The following CORO2B variants were observed in gnomAD, a reference collection of about 807,000 sequenced individuals.
CORO2B encodes coronin 2B.
A neutral mutation model predicts 58.8 loss-of-function variants in CORO2B; 26 were observed. The ratio of observed to expected loss-of-function variants is 0.44; its 90% CI spans 0.32 to 0.61. CORO2B has a LOEUF of 0.61. CORO2B is among the 20% of genes least tolerant of loss of function. The pLI, the probability that CORO2B is intolerant of heterozygous loss-of-function variation, is 0.04. For missense variants in CORO2B, 460 were observed against 645.1 expected (o/e 0.71, Z 3.11); for synonymous variants, 242 against 253.8 (o/e 0.95, Z 0.44).
intron 3 of CORO2B, among the ~76,000 whole-genome samples, chr15:68,707,519 G>C (rs548896639): frequency 1.7e-4 from 26 of 152,314 alleles, no homozygotes; most frequent in Admixed American, 7.2e-4. Flanking sequence ...TATTCATCAT[G>C]GAACGGTCAT....
the CORO2B span, among the ~76,000 whole-genome samples, chr15:68,566,292 G>A: frequency 6.6e-6 from 1 of 152,226 alleles, no homozygotes; most frequent in East Asian, 1.9e-4. Flanking sequence ...CCATTTGATA[G>A]GAGAGGAAAC....
chr15:68,676,122 C>A (rs1451105976), intron 2 of CORO2B, among the ~76,000 whole-genome samples: 1 of 152,136 alleles, frequency 6.6e-6, no homozygotes, highest in Non-Finnish European at 1.5e-5. Flanking sequence ...CTCATCCTGG[C>A]CCAATCAGCT....
At chr15:68,690,652 T>TTC (rs1270333714) in intron 2 of CORO2B, among the ~76,000 whole-genome samples, 8 of 148,382 alleles carry the variant, frequency 5.4e-5, no homozygotes, top group Non-Finnish European at 9.0e-5. Context: ...CTTTCTTTTT[T>TTC]TTTTTTTTTT....
At position 68,645,157 on chromosome 15, in the gene CORO2B, C is replaced by A; in HGVS notation, c.16-3C>A. On this transcript the variant is annotated splice_region_variant and splice_polypyrimidine_tract_variant and intron_variant, in intron 1 of 11. Coordinates refer to ENST00000261861, the MANE Select transcript of CORO2B (RefSeq NM_006091.5). This position sits in a 1 kb window ranked among gnomAD's most constrained non-coding sequence, Gnocchi z 4.5. ...GACCCTTGTCTCTCCTGGCCCCTCA[C>A]AGATGTCCTGGCGTCCGCAATACCG... The A allele has an allele frequency of 6.2e-7, 1 of 1,613,834 alleles. No individual in the cohort carries two copies. The highest frequency in any genetic ancestry group is 8.5e-7 in the Non-Finnish European group (1 of 1,179,864).
At chr15:68,673,710 G>A (rs1175646532) in intron 2 of CORO2B, among the ~76,000 whole-genome samples, 4 of 151,728 alleles carry the variant, frequency 2.6e-5, no homozygotes, top group Admixed American at 6.6e-5. Context: ...GGTGGCATGC[G>A]CCTGTAATCC....
chr15:68,581,245 C>T (rs1020030299), intron 1 of CORO2B, among the ~76,000 whole-genome samples: 5 of 152,306 alleles, frequency 3.3e-5, no homozygotes, highest in Non-Finnish European at 4.4e-5. Flanking sequence ...CCCTCCATGT[C>T]GCTCACCTCC....
chr15:68,642,726 A>G (rs1197711815), intron 1 of CORO2B, among the ~76,000 whole-genome samples: 1 of 151,990 alleles, frequency 6.6e-6, no homozygotes, highest in Non-Finnish European at 1.5e-5. Flanking sequence ...CAAGCTCTAG[A>G]CTAGGAGCCC....
chr15:68,606,165 C>A (rs1039843183), intron 1 of CORO2B, among the ~76,000 whole-genome samples: 1 of 152,006 alleles, frequency 6.6e-6, no homozygotes, highest in South Asian at 2.1e-4. Context: ...CTGCAAGAAT[C>A]CAAAAGGAGG....
chr15:68,670,734 C>T (rs1902363607), intron 2 of CORO2B, among the ~76,000 whole-genome samples: 1 of 152,076 alleles, frequency 6.6e-6, no homozygotes. Flanking sequence ...TACAAAGCAT[C>T]AAAGACTTGC....
chr15:68,667,069 G>T (rs369281821), intron 2 of CORO2B, among the ~76,000 whole-genome samples: 1 of 151,882 alleles, frequency 6.6e-6, no homozygotes, highest in Non-Finnish European at 1.5e-5. Context: ...CAGGCTCCCC[G>T]CTCCTGATCT....
chr15:68,591,991 A>T (rs1228711256), intron 1 of CORO2B, among the ~76,000 whole-genome samples: 1 of 152,086 alleles, frequency 6.6e-6, no homozygotes, highest in Admixed American at 6.5e-5. Context: ...ACCTGGTTTG[A>T]GGCTGGGTGC....
the CORO2B span, among the ~76,000 whole-genome samples, chr15:68,543,548 C>A: frequency 6.6e-6 from 1 of 152,164 alleles, no homozygotes; most frequent in Non-Finnish European, 1.5e-5. Flanking sequence ...CCTCCCACCC[C>A]AGGGTCTTGT....
At chr15:68,602,461 C>G (rs1900009777) in intron 1 of CORO2B, among the ~76,000 whole-genome samples, 1 of 148,670 alleles carries the variant, frequency 6.7e-6, no homozygotes, top group Non-Finnish European at 1.5e-5. Flanking sequence ...GTTTTACCTA[C>G]ATGTTGTAAT....
At chr15:68,556,464 T>C in the CORO2B span, among the ~76,000 whole-genome samples, 3 of 152,052 alleles carry the variant, frequency 2.0e-5, no homozygotes, top group Non-Finnish European at 2.9e-5. Context: ...CCTTCCCAGA[T>C]AGAAAGACTG....
chr15:68,667,346 C>T (rs1057126523), intron 2 of CORO2B, among the ~76,000 whole-genome samples: 5 of 152,322 alleles, frequency 3.3e-5, no homozygotes, highest in Middle Eastern at 3.4e-3. Flanking sequence ...ACAGACTCTC[C>T]GCTTCCTGCC....
At chr15:68,546,030 T>G in the CORO2B span, among the ~76,000 whole-genome samples, 1 of 152,096 alleles carries the variant, frequency 6.6e-6, no homozygotes, top group Non-Finnish European at 1.5e-5. Context: ...CTCATGTCAC[T>G]CATTGTGGAG....
At chr15:68,648,522 C>T (rs1329150715) in intron 2 of CORO2B, among the ~76,000 whole-genome samples, 1 of 148,028 alleles carries the variant, frequency 6.8e-6, no homozygotes. Flanking sequence ...TGGTGGCGGG[C>T]GCCTGTAGTC....
intron 1 of CORO2B, among the ~76,000 whole-genome samples, chr15:68,620,851 G>A (rs545600652): frequency 6.6e-6 from 1 of 152,356 alleles, no homozygotes; most frequent in African/African-American, 2.4e-5. Context: ...GCAGGGTTGG[G>A]CGGGGAGCCA....
intron 2 of CORO2B, among the ~76,000 whole-genome samples, chr15:68,679,977 A>G (rs924903516): frequency 1.3e-5 from 2 of 152,068 alleles, no homozygotes; most frequent in Non-Finnish European, 2.9e-5. Context: ...CACAGATTCC[A>G]TGACTTCCAT....
Sources: gnomAD v4.1 joint callset for allele counts (sites outside exome capture counted in the v4.1 genomes callset) on GRCh38, gnomAD v4.1.1 for gene constraint, Gnocchi (gnomAD v3.1) non-coding constraint, MANE v1.5 for transcripts, NCBI Gene and HGNC (gene_info 2026-07-23, HGNC 2026-07-21) for gene names.